Variants in ATP13A1 observed in about 807,000 individuals in gnomAD.
The protein encoded by ATP13A1 is ATPase 13A1, also known as endoplasmic reticulum transmembrane helix translocase.
A neutral mutation model predicts 134.8 loss-of-function variants in ATP13A1; 55 were observed. The ratio of observed to expected loss-of-function variants is 0.41; its 90% CI spans 0.33 to 0.51. ATP13A1 has a LOEUF of 0.51. Ranked by LOEUF, ATP13A1 falls within the 20% of genes least tolerant of loss-of-function variation. The pLI is 0.29. For synonymous variants in ATP13A1, 775 were observed against 725.1 expected (o/e 1.07, Z -1.10); for missense variants, 1,389 against 1,652.8 (o/e 0.84, Z 2.77).
Position 19,645,243 on chromosome 19 carries a change from T to C in ATP13A1, c.*179A>G. 1 of 661,760 alleles carries C rather than the reference T, an allele frequency of 1.5e-6. No individual in the cohort carries two copies. The highest frequency in any genetic ancestry group is 2.8e-5 in the East Asian group (1 of 36,122). 41.0% of individuals were successfully genotyped at this position (661,760 alleles called of 1,614,324 possible). ...GCTTTATTTACCAAAGGTGCTGGCT[T>C]GGGGCTGGTTCTGCTGGCCAAGCCA... On this transcript the variant is annotated 3_prime_UTR_variant, in exon 26 of 26. Coordinates refer to ENST00000357324, the MANE Select transcript of ATP13A1 (RefSeq NM_020410.3). This position sits in a 1 kb window ranked among gnomAD's most constrained non-coding sequence, Gnocchi z 4.1.
intron 19 of ATP13A1, 131 bp downstream of exon 19, chr19:19,649,436 C>T: frequency 1.0e-6 from 1 of 974,044 alleles, no homozygotes; most frequent in Non-Finnish European, 1.6e-6. Flanking sequence ...CTGACCTTGC[C>T]ACCCCCTCCC....
Position 19,656,553 on chromosome 19 carries a change from G to T in ATP13A1, c.1083+107C>A. The stretch of plus-strand genomic sequence containing the variant: ...CACAGAGCTCATCTGTGCCCACACT[G>T]CCTCCTCCGCCTGTGCCTGAGGGGG... On this transcript the variant is annotated intron_variant, in intron 7 of 25. Coordinates refer to ENST00000357324, the MANE Select transcript of ATP13A1 (RefSeq NM_020410.3). The surrounding 1 kb of genome is among the most constrained non-coding windows in gnomAD (Gnocchi z 4.6). 8.3e-7 allele frequency: 1 copy of T among 1,204,180 alleles called. No homozygotes were observed. 74.6% of individuals were successfully genotyped at this position (1,204,180 alleles called of 1,614,324 possible).
chr19:19,661,743 C>A (rs971932249), intron 1 of ATP13A1, among the ~76,000 whole-genome samples: 1 of 152,168 alleles, frequency 6.6e-6, no homozygotes, highest in East Asian at 1.9e-4. Flanking sequence ...TCTGCTAGAC[C>A]GAGCTGCATG....
chr19:19,651,443 G>A (rs1255035677), intron 17 of ATP13A1: 1 of 400,040 alleles, frequency 2.5e-6, no homozygotes. Context: ...AACCCGAGCT[G>A]GCAGTCAGAC....
At chr19:19,654,197 A>G in intron 13 of ATP13A1, 53 bp from the exon 14 acceptor site, 1 of 1,513,888 alleles carries the variant, frequency 6.6e-7, no homozygotes, top group Admixed American at 2.0e-5. Flanking sequence ...AGAGGCAGCC[A>G]AGCCCCTACC....
intron 3 of ATP13A1, among the ~76,000 whole-genome samples, chr19:19,658,695 A>G (rs2062075469): frequency 6.6e-6 from 1 of 152,166 alleles, no homozygotes; most frequent in Admixed American, 6.5e-5. Flanking sequence ...AGATGAAGGG[A>G]GAGGGTGTGC....
In ATP13A1 at chr19:19,663,497, C is replaced by G. The variant is rs2062107881; in HGVS notation, c.170G>C (p.Arg57Pro). 6.5e-7 allele frequency: 1 copy of G among 1,535,194 alleles called. No homozygotes were observed. Among genetic ancestry groups the G allele is most frequent in the African/African-American group, 1.4e-5 (1 of 72,914 alleles). The change falls in exon 1 of 26, where the codon CGG (arginine) becomes CCG (proline). Residue 57 changes from arginine (R) to proline (P), a missense_variant. Arg to Pro is a moderately radical substitution (Grantham distance 103). Around this residue, in one of 4 missense-constraint regions of ATP13A1, gnomAD observed 293 missense variants for 270.8 expected, o/e 1.08. Transcript: ENST00000357324. ...GAGGCGCCGCAACAGCGCCAACCGC[C>G]GGTACGGCCACACGGCAGCCACCAG... ...DELVAAVWPY[R>P]RLALLRRLTV...
In ATP13A1 at chr19:19,663,478, C is replaced by T; in HGVS notation, c.189G>A (p.Arg63=). The T allele has an allele frequency of 1.3e-6, 2 of 1,537,704 alleles. No individual in the cohort carries two copies. The highest frequency in any genetic ancestry group is 1.7e-6 in the Non-Finnish European group (2 of 1,146,104). The change falls in exon 1 of 26, where the codon CGG becomes CGA. Residue 63 remains arginine (R), a synonymous_variant. Coordinates refer to ENST00000357324, the MANE Select transcript of ATP13A1 (RefSeq NM_020410.3). ...VWPYRRLALL[R]RLTVLPFAGL... Reference sequence around the variant, plus strand: ...CGGCGAATGGCAGCACCGTGAGGCGCCGCAACAGCGCCAACCGCCGGTACG... The same window carrying T: ...CGGCGAATGGCAGCACCGTGAGGCGTCGCAACAGCGCCAACCGCCGGTACG...
intron 3 of ATP13A1, 42 bp downstream of exon 3, chr19:19,659,559 G>A: frequency 6.3e-7 from 1 of 1,576,064 alleles, no homozygotes. Context: ...GAGGGGAGCA[G>A]GACAGAAAGG....
chr19:19,655,792 G>A lies in ATP13A1; in HGVS notation c.1269+86C>T. 6.5e-7 allele frequency: 1 copy of A among 1,535,614 alleles called. No homozygotes were observed. On this transcript the variant is annotated intron_variant, in intron 9 of 25. Coordinates refer to ENST00000357324, the MANE Select transcript of ATP13A1 (RefSeq NM_020410.3). The surrounding 1 kb of genome is among the most constrained non-coding windows in gnomAD (Gnocchi z 5.7). ...GCCGTGCTGCCAGAGTCAGCCCGTGGGGCAGATGTTCTGGGGTCGGAAAGG... is the reference window on the plus strand; with the variant it reads ...GCCGTGCTGCCAGAGTCAGCCCGTGAGGCAGATGTTCTGGGGTCGGAAAGG...
rs1340107881 is a variant in ATP13A1, at chr19:19,656,169, G to C, written c.1098C>G (p.Asp366Glu). 1.9e-6 allele frequency: 3 copies of C among 1,609,596 alleles called. No individual in the cohort carries two copies. Among genetic ancestry groups the C allele is most frequent in the African/African-American group, 1.3e-5 (1 of 74,806 alleles). Residue 366 changes from aspartate (D) to glutamate (E), a missense_variant, in exon 8 of 26, where the codon GAC (aspartate) becomes GAG (glutamate). Coordinates refer to ENST00000357324, the MANE Select transcript of ATP13A1 (RefSeq NM_020410.3). The surrounding 1 kb of genome is among the most constrained non-coding windows in gnomAD (Gnocchi z 4.6). ...GGTCCAGCACCCGGTCTGGGCTGAG[G>C]TCTTCGATGGGCTCCTGGGGAGGAA... ...SVPQMKEPIE[D>E]LSPDRVLDLQ...
At chr19:19,646,568 C>T (rs926607924) in intron 22 of ATP13A1, 2 of 597,644 alleles carry the variant, frequency 3.3e-6, no homozygotes, top group Non-Finnish European at 5.9e-6. Flanking sequence ...GCCATCCAGG[C>T]TCCCCATGGC....
intron 17 of ATP13A1, chr19:19,650,221 C>T (rs2062015386): frequency 1.8e-6 from 1 of 543,416 alleles, no homozygotes; most frequent in African/African-American, 1.9e-5. Context: ...AAGCCATGCC[C>T]CCACCTCATG....
intron 15 of ATP13A1, chr19:19,652,987 C>G (rs1251216605): frequency 2.2e-6 from 1 of 461,160 alleles, no homozygotes; most frequent in African/African-American, 2.0e-5. Context: ...CACAGAGTCC[C>G]TTGTGGCTCA....
rs2062054390 is a variant in ATP13A1 at position 19,655,875 on chromosome 19, C to T, written c.1269+3G>A. The T allele has an allele frequency of 2.5e-6, 4 of 1,582,334 alleles. No homozygotes were observed. Among genetic ancestry groups the T allele is most frequent in the East Asian group, 2.3e-5 (1 of 43,770 alleles). On this transcript the variant is annotated splice_donor_region_variant and intron_variant, in intron 9 of 25. Transcript: ENST00000357324. The surrounding 1 kb of genome is among the most constrained non-coding windows in gnomAD (Gnocchi z 5.7). Reference sequence around the variant, plus strand: ...CCCGCCCTCCCCAGACCTGGCCCCGCACCTGGGATGTGTTGAATCCGGTCC... The same window carrying T: ...CCCGCCCTCCCCAGACCTGGCCCCGTACCTGGGATGTGTTGAATCCGGTCC...
At chr19:19,650,068 G>C (rs2062014497) in intron 17 of ATP13A1, 128 bp from the exon 18 acceptor site, 8 of 824,556 alleles carry the variant, frequency 9.7e-6, no homozygotes, top group Non-Finnish European at 1.5e-5. Flanking sequence ...TACCCACCCA[G>C]GTGACCCCCA....
rs769337789 is a variant in ATP13A1, at chr19:19,649,616, CAT to C, written c.2581_2582del (p.Met861ValfsTer15). 4.0e-5 allele frequency: 65 copies of C among 1,613,852 alleles called. No individual in the cohort carries two copies. Among genetic ancestry groups the C allele is most frequent in the Non-Finnish European group, 4.6e-5 (54 of 1,179,880 alleles). ...CCACGTCGTTGGTGCCATCCCCACA[CAT>C]GAGGGTCACGTAGCCCAGCTCCTTC... ...SLKELGYVTL[M>X]CGDGTNDVGA... On this transcript the variant is annotated frameshift_variant, in exon 19 of 26. Transcript: ENST00000357324. LOFTEE classifies it high-confidence loss of function.
chr19:19,659,692 C>T lies in ATP13A1; in HGVS notation c.586G>A (p.Val196Met), dbSNP rs778252756. 8 of 1,613,936 alleles carry T rather than the reference C, an allele frequency of 5.0e-6. No homozygotes were observed. The highest frequency in any genetic ancestry group is 6.8e-6 in the Non-Finnish European group (8 of 1,179,878). ...KKQFLPVAFP[V>M]GNAFSYYQSN... ...TGATAGTATGAGAAGGCGTTTCCCACAGGAAAGGCCACGGGGAGAAACTGC... is the reference window on the plus strand; with the variant it reads ...TGATAGTATGAGAAGGCGTTTCCCATAGGAAAGGCCACGGGGAGAAACTGC... The change falls in exon 3 of 26, where the codon GTG becomes ATG. Residue 196 changes from valine to methionine, a missense_variant. By Grantham distance (21) the Val-to-Met change is conservative. This residue lies in a region of ATP13A1 where 747 missense variants were observed against 956.1 expected (regional missense o/e 0.78). Transcript: ENST00000357324.
At chr19:19,649,985 G>C (rs1171339107) in intron 17 of ATP13A1, 45 bp from the exon 18 acceptor site, 1 of 1,513,172 alleles carries the variant, frequency 6.6e-7, no homozygotes, top group Non-Finnish European at 8.9e-7. Context: ...TGGCTGACCG[G>C]GCTCAGAAGC....
Sources: allele counts gnomAD v4.1 joint callset (sites outside exome capture counted in the v4.1 genomes callset), GRCh38; gene constraint gnomAD v4.1.1; regional missense constraint gnomAD v4.1.1; non-coding constraint Gnocchi (gnomAD v3.1); transcripts MANE v1.5; gene names NCBI Gene and HGNC (gene_info 2026-07-23, HGNC 2026-07-21).